PAX9: variants seen among roughly 807,000 people sequenced by gnomAD.
The protein encoded by PAX9 is paired box 9, also known as paired box protein Pax-9.
A neutral mutation model predicts 29.1 loss-of-function variants in PAX9; 6 were observed. That is an observed-to-expected ratio of 0.21 (90% CI 0.11 to 0.41). PAX9 has a LOEUF of 0.41. Ranked by LOEUF, PAX9 falls within the 10% of genes least tolerant of loss-of-function variation. PAX9 has a pLI of 1.00. For missense variants in PAX9, 443 were observed against 479.1 expected, an observed-to-expected ratio of 0.92 and a Z score of 0.70; for synonymous variants, 217 against 211.7, an observed-to-expected ratio of 1.03 and a Z score of -0.22.
Position 36,678,685 on chromosome 14 carries a change from C to CAAAT in PAX9, c.*2236_*2239dup. 1 of 1,249,320 alleles carries CAAAT rather than the reference C, an allele frequency of 8.0e-7. No individual in the cohort carries two copies. The highest frequency in any genetic ancestry group is 3.8e-5 in the Admixed American group (1 of 26,174). The allele number at this position is 1,249,320 out of a possible 1,614,324, so 77.4% of individuals were successfully genotyped here. A position where few individuals can be genotyped will look rare whatever the true frequency, so the allele number is the denominator to read the frequency against. ...AATATTACTTGCTTGTGTGGAAATGCAAATAATGTTATTTTCTTTATCTAA... is the reference window on the plus strand; with the variant it reads ...AATATTACTTGCTTGTGTGGAAATGCAAATAAATAATGTTATTTTCTTTATCTAA... On this transcript the variant is annotated 3_prime_UTR_variant, in exon 4 of 4. Coordinates refer to ENST00000361487, the MANE Select transcript of PAX9 (RefSeq NM_001372076.1).
At chr14:36,671,240 C>A (rs534543008) in intron 3 of PAX9, 1 of 223,472 alleles carries the variant, frequency 4.5e-6, no homozygotes, top group South Asian at 5.0e-5. Context: ...TTTATCTTCA[C>A]GATAAATAAT....
In PAX9 at chr14:36,663,580, G is replaced by T. The variant is rs576303933; in HGVS notation, c.631+57G>T. Reference sequence around the variant, plus strand: ...GCAGCGTCTGCCCCCGCACTCTCGCGGAGGTCCCAGTATCTGCAGCCTCAG... The same window carrying T: ...GCAGCGTCTGCCCCCGCACTCTCGCTGAGGTCCCAGTATCTGCAGCCTCAG... On this transcript the variant is annotated intron_variant, in intron 2 of 3. Transcript: ENST00000361487. The T allele has an allele frequency of 1.2e-5, 20 of 1,602,832 alleles. No individual in the cohort carries two copies. In the South Asian group the frequency reaches 2.2e-4, roughly 18 times the overall value.
In PAX9 at chr14:36,679,325, T is replaced by A. The variant is rs1229849654; in HGVS notation, c.*2873T>A. 2 of 970,636 alleles carry A rather than the reference T, an allele frequency of 2.1e-6. No individual in the cohort carries two copies. Among genetic ancestry groups the A allele is most frequent in the Non-Finnish European group, 2.4e-6 (2 of 816,554 alleles). 60.1% of individuals were successfully genotyped at this position (970,636 alleles called of 1,614,324 possible). A position where few individuals can be genotyped will look rare whatever the true frequency, so the allele number is the denominator to read the frequency against. ...GTATGTCAAAAGCCTTTTATTTTTA[T>A]ACTTCAAATGCTCTAAATTAATAAA... is the stretch of plus-strand genomic sequence containing the variant. On this transcript the variant is annotated 3_prime_UTR_variant, in exon 4 of 4. Transcript: ENST00000361487.
chr14:36,669,156 G>GCTTC (rs1303540745), intron 3 of PAX9, among the ~76,000 whole-genome samples: 1 of 152,184 alleles, frequency 6.6e-6, no homozygotes, highest in Non-Finnish European at 1.5e-5. Flanking sequence ...TAATGTTGAA[G>GCTTC]ATGTGCCAAG....
Position 36,679,283 on chromosome 14 carries a change from CTATG to C in PAX9, c.*2839_*2842del, listed in dbSNP as rs1370826632. 16 of 980,180 alleles carry C rather than the reference CTATG, an allele frequency of 1.6e-5. No homozygotes were observed. Among genetic ancestry groups the C allele is most frequent in the African/African-American group, 7.0e-5 (4 of 57,032 alleles). 60.7% of individuals were successfully genotyped at this position (980,180 alleles called of 1,614,324 possible). ...GTTGGAAAGGATGTACAACAGAAGG[CTATG>C]TATGTATATACAGTATGTCAAAAGC... is the stretch of plus-strand genomic sequence containing the variant. On this transcript the variant is annotated 3_prime_UTR_variant, in exon 4 of 4. Coordinates refer to ENST00000361487, the MANE Select transcript of PAX9 (RefSeq NM_001372076.1).
In PAX9 at chr14:36,676,262, C is replaced by T. The variant is rs1881884034; in HGVS notation, c.836C>T (p.Thr279Ile). ...GCATCCAGCATGGCTCCTTACCCTA[C>T]CCCAGCCCAAGTGTCGCCTTACATG... is the stretch of plus-strand genomic sequence containing the variant. ...VSASSMAPYPTPAQVSPYMTY... is the reference protein window; with the variant it reads ...VSASSMAPYPIPAQVSPYMTY... The change falls in exon 4 of 4, where the codon ACC (threonine) becomes ATC (isoleucine). Residue 279 changes from threonine (T) to isoleucine (I), a missense_variant. Coordinates refer to ENST00000361487, the MANE Select transcript of PAX9 (RefSeq NM_001372076.1). 6.2e-7 allele frequency: 1 copy of T among 1,614,156 alleles called. No individual in the cohort carries two copies. Among genetic ancestry groups the T allele is most frequent in the Non-Finnish European group, 8.5e-7 (1 of 1,180,010 alleles).
Position 36,678,689 on chromosome 14 carries a change from T to A in PAX9, c.*2237T>A. ...TTACTTGCTTGTGTGGAAATGCAAATAATGTTATTTTCTTTATCTAAATTA... is the reference window on the plus strand; with the variant it reads ...TTACTTGCTTGTGTGGAAATGCAAAAAATGTTATTTTCTTTATCTAAATTA... On this transcript the variant is annotated 3_prime_UTR_variant, in exon 4 of 4. Coordinates refer to ENST00000361487, the MANE Select transcript of PAX9 (RefSeq NM_001372076.1). The A allele has an allele frequency of 1.6e-6, 2 of 1,250,472 alleles. No individual in the cohort carries two copies. The highest frequency in any genetic ancestry group is 1.0e-6 in the Non-Finnish European group (1 of 996,414). 77.5% of individuals were successfully genotyped at this position (1,250,472 alleles called of 1,614,324 possible). A position where few individuals can be genotyped will look rare whatever the true frequency, so the allele number is the denominator to read the frequency against.
chr14:36,666,621 G>C lies in PAX9; in HGVS notation c.771+20G>C. ...GGTCAGGTGAGGAGGCGAGGGTCAG[G>C]CCAGGTGGGCCGCGTGGCGGCGGGG... On this transcript the variant is annotated intron_variant, in intron 3 of 3. Transcript: ENST00000361487. 6.4e-7 allele frequency: 1 copy of C among 1,556,758 alleles called. No homozygotes were observed. The highest frequency in any genetic ancestry group is 1.9e-5 in the Admixed American group (1 of 51,428).
rs78445181 is a variant in PAX9 at position 36,670,840 on chromosome 14, C to A, written c.771+4239C>A. Among the ~76,000 whole-genome samples, 255 of 151,992 alleles carry A rather than the reference C, an allele frequency of 1.7e-3. 10 individuals carry two copies. In the East Asian group the frequency reaches 0.047, roughly 28 times the overall value. ...AAAATTTAGAAAAGCTTTTAAATAG[C>A]GGCTTTCCATTTCTTAGAGACATTT... On this transcript the variant is annotated intron_variant, in intron 3 of 3. Coordinates refer to ENST00000361487, the MANE Select transcript of PAX9 (RefSeq NM_001372076.1).
At chr14:36,668,387 T>TATTA (rs1881584201) in intron 3 of PAX9, among the ~76,000 whole-genome samples, 3 of 149,114 alleles carry the variant, frequency 2.0e-5, no homozygotes, top group African/African-American at 7.6e-5. Context: ...CCTTTATACT[T>TATTA]ATTATTTATT....
intron 3 of PAX9, among the ~76,000 whole-genome samples, chr14:36,675,964 A>T (rs1284903690): frequency 6.6e-6 from 1 of 152,222 alleles, no homozygotes; most frequent in Non-Finnish European, 1.5e-5. Flanking sequence ...TTCTGGTTGC[A>T]GCTTTCTCTA....
intron 3 of PAX9, chr14:36,671,154 T>C: frequency 2.6e-6 from 1 of 388,386 alleles, no homozygotes; most frequent in Non-Finnish European, 5.0e-6. Flanking sequence ...GTAAATTCAT[T>C]TTATCATAAG....
Position 36,679,192 on chromosome 14 carries a change from ATTT to A in PAX9, c.*2742_*2744del. 1.0e-6 allele frequency: 1 copy of A among 984,996 alleles called. No homozygotes were observed. 61.0% of individuals were successfully genotyped at this position (984,996 alleles called of 1,614,324 possible). ...ACATTCTTATTTCTTTTTTTTCACA[ATTT>A]TGTTTTGTTTTTAATGACCCTTTTA... On this transcript the variant is annotated 3_prime_UTR_variant, in exon 4 of 4. Coordinates refer to ENST00000361487, the MANE Select transcript of PAX9 (RefSeq NM_001372076.1).
At chr14:36,663,579 C>G in intron 2 of PAX9, 56 bp downstream of exon 2, 1 of 1,604,694 alleles carries the variant, frequency 6.2e-7, no homozygotes. Context: ...CGCACTCTCG[C>G]GGAGGTCCCA....
intron 3 of PAX9, among the ~76,000 whole-genome samples, chr14:36,673,613 G>A (rs1881776505): frequency 6.6e-6 from 1 of 152,160 alleles, no homozygotes; most frequent in African/African-American, 2.4e-5. Context: ...CAATGAGCAA[G>A]AGTTCCAAGG....
At chr14:36,662,205 T>C in intron 1 of PAX9, 112 bp downstream of exon 1, 1 of 1,205,962 alleles carries the variant, frequency 8.3e-7, no homozygotes, top group Non-Finnish European at 1.1e-6. Flanking sequence ...GGCGCTCACA[T>C]TCTCTATTGA....
chr14:36,666,691 C>G, intron 3 of PAX9, 90 bp downstream of exon 3: 3 of 1,480,790 alleles, frequency 2.0e-6, no homozygotes, highest in Non-Finnish European at 2.8e-6. Context: ...TTCTGAGCTT[C>G]CCGCGAGAGA....
chr14:36,661,805 C>T (rs1257106686), upstream of PAX9: 2 of 532,604 alleles, frequency 3.8e-6, no homozygotes, highest in Non-Finnish European at 6.7e-6. Context: ...CTCGGACCCG[C>T]CCCTTTTAGG....
At chr14:36,662,430 AAAG>A (rs1250088284) in intron 1 of PAX9, 11 of 417,178 alleles carry the variant, frequency 2.6e-5, no homozygotes, top group Non-Finnish European at 4.7e-5. Flanking sequence ...AAAGAAAAGA[AAAG>A]AAAACAAACA....
Sources: gnomAD v4.1 joint callset for allele counts (sites outside exome capture counted in the v4.1 genomes callset) on GRCh38, gnomAD v4.1.1 for gene constraint, MANE v1.5 for transcripts, NCBI Gene and HGNC (gene_info 2026-07-23, HGNC 2026-07-21) for gene names.